Variants in CHSY1 observed in about 807,000 individuals in gnomAD.
The protein encoded by CHSY1 is N-acetylgalactosaminyl-proteoglycan 3-beta-glucuronosyltransferase 1.
CHSY1 carries 13 observed loss-of-function variants against 59.8 expected under a neutral mutation model. The observed-to-expected ratio is 0.22, with a 90% CI of 0.14 to 0.35. CHSY1 has a LOEUF of 0.35. CHSY1 is among the 10% of genes least tolerant of loss of function. The pLI, the probability that CHSY1 is intolerant of heterozygous loss-of-function variation, is 1.00. For missense variants in CHSY1, 947 were observed against 1,030.6 expected (o/e 0.92, Z 1.11); for synonymous variants, 459 against 401.2 (o/e 1.14, Z -1.72).
chr15:101,242,583 C>T (rs954584597), intron 1 of CHSY1: 25 of 152,498 alleles, frequency 1.6e-4, no homozygotes, highest in African/African-American at 6.0e-4. Flanking sequence ...AGTCCAAGTT[C>T]ATCCTCCAAG....
intron 1 of CHSY1, among the ~76,000 whole-genome samples, chr15:101,238,802 T>G (rs1240820687): frequency 6.6e-6 from 1 of 152,226 alleles, no homozygotes; most frequent in Non-Finnish European, 1.5e-5. Flanking sequence ...CAGATACTGT[T>G]CTAGGTACTG....
intron 2 of CHSY1, among the ~76,000 whole-genome samples, chr15:101,212,974 A>T (rs2038696855): frequency 6.6e-6 from 1 of 152,216 alleles, no homozygotes; most frequent in Non-Finnish European, 1.5e-5. Flanking sequence ...TCAATTTAAA[A>T]TTTTTTCATA....
At chr15:101,210,614 G>A (rs1596443605) in intron 2 of CHSY1, among the ~76,000 whole-genome samples, 1 of 152,162 alleles carries the variant, frequency 6.6e-6, no homozygotes, top group Admixed American at 6.5e-5. Flanking sequence ...TAAGAGCAGG[G>A]GTGGGCCAGA....
chr15:101,219,706 G>C (rs2038770180), intron 2 of CHSY1, among the ~76,000 whole-genome samples: 1 of 152,102 alleles, frequency 6.6e-6, no homozygotes, highest in Admixed American at 6.5e-5. Context: ...GTCATCAGCA[G>C]AGAAAAAAGT....
In CHSY1 at chr15:101,177,666, C is replaced by G. The variant is rs1249101007; in HGVS notation, c.2131G>C (p.Val711Leu). ...GDLVRVGGFD[V>L]SIQGWGLEDV... ...TCCAGCCCCCAGCCTTGGATGGAAA[C>G]ATCAAAGCCACCCACTCGGACAAGA... Residue 711 changes from valine to leucine, a missense_variant, in exon 3 of 3, where the codon GTT becomes CTT. Physicochemically the swap from Val to Leu is conservative, Grantham distance 32. Coordinates refer to ENST00000254190, the MANE Select transcript of CHSY1 (RefSeq NM_014918.5). The G allele has an allele frequency of 6.2e-7, 1 of 1,614,200 alleles. No individual in the cohort carries two copies. Among genetic ancestry groups the G allele is most frequent in the Non-Finnish European group, 8.5e-7 (1 of 1,180,038 alleles).
At chr15:101,194,128 A>T (rs776321726) in intron 2 of CHSY1, among the ~76,000 whole-genome samples, 1 of 152,366 alleles carries the variant, frequency 6.6e-6, no homozygotes, top group East Asian at 1.9e-4. Context: ...TGCCCTCTTC[A>T]TGTAGCTACG....
intron 2 of CHSY1, among the ~76,000 whole-genome samples, chr15:101,202,784 T>G (rs908289663): frequency 1.8e-4 from 28 of 152,202 alleles, no homozygotes; most frequent in Non-Finnish European, 4.4e-5. Context: ...GGAGAGGTGG[T>G]TAAGACTAAA....
At chr15:101,235,628 T>A in intron 1 of CHSY1, 51 bp from the exon 2 acceptor site, 1 of 1,578,368 alleles carries the variant, frequency 6.3e-7, no homozygotes, top group Non-Finnish European at 8.6e-7. Context: ...CAAGCTGATT[T>A]TCAGGAATTC....
intron 2 of CHSY1, among the ~76,000 whole-genome samples, chr15:101,192,060 T>A (rs115120851): frequency 6.6e-6 from 1 of 152,170 alleles, no homozygotes; most frequent in African/African-American, 2.4e-5. Context: ...AAAAGCCCTA[T>A]ACAAAAAGAA....
chr15:101,214,503 T>C (rs144473048), intron 2 of CHSY1, among the ~76,000 whole-genome samples: 1 of 152,350 alleles, frequency 6.6e-6, no homozygotes, highest in African/African-American at 2.4e-5. Flanking sequence ...ATATCCTCAA[T>C]AACTGCAACA....
intron 2 of CHSY1, among the ~76,000 whole-genome samples, chr15:101,189,037 C>T (rs376803078): frequency 6.6e-5 from 10 of 152,338 alleles, no homozygotes; most frequent in South Asian, 2.1e-4. Flanking sequence ...TGTGCACACA[C>T]GGCACTCAAT....
Position 101,251,674 on chromosome 15 carries a change from C to T in CHSY1, c.-218G>A, listed in dbSNP as rs2039116761. Reference sequence around the variant, plus strand: ...GCACGCCCGCCCCCGCCGCCGCGGCCTGCGCCTTTAAGAGGGGACCATGCC... The same window carrying T: ...GCACGCCCGCCCCCGCCGCCGCGGCTTGCGCCTTTAAGAGGGGACCATGCC... On this transcript the variant is annotated 5_prime_UTR_variant, in exon 1 of 3. Transcript: ENST00000254190. 1 of 147,208 alleles carries T rather than the reference C, an allele frequency of 6.8e-6. No individual in the cohort carries two copies. The highest frequency in any genetic ancestry group is 1.5e-5 in the Non-Finnish European group (1 of 66,186). The allele number at this position is 147,208 out of a possible 1,614,324, so 9.1% of individuals were successfully genotyped here.
intron 2 of CHSY1, among the ~76,000 whole-genome samples, chr15:101,183,899 G>C (rs1047541728): frequency 6.6e-6 from 1 of 152,182 alleles, no homozygotes; most frequent in Non-Finnish European, 1.5e-5. Context: ...CATGGTAAAC[G>C]GCATACAAGG....
In CHSY1 at chr15:101,222,229, C is replaced by G. The variant is rs867568312; in HGVS notation, c.816+12853G>C. 2.6e-5 allele frequency among the ~76,000 whole-genome samples: 4 copies of G among 152,318 alleles called. No individual in the cohort carries two copies. The Middle Eastern group carries it at 0.014, about 518-fold the overall frequency. On this transcript the variant is annotated intron_variant, in intron 2 of 2. Coordinates refer to ENST00000254190, the MANE Select transcript of CHSY1 (RefSeq NM_014918.5). ...CACTTAGAGTCACAGAGGATCTAGT[C>G]TTCTATTGCTTTGCCTAGTTTCCCC... is the stretch of plus-strand genomic sequence containing the variant.
intron 1 of CHSY1, among the ~76,000 whole-genome samples, chr15:101,249,881 G>A (rs1043338495): frequency 9.9e-5 from 15 of 152,174 alleles, no homozygotes; most frequent in African/African-American, 1.9e-4. Context: ...CCTTCCTGGC[G>A]GAATGTGGGT....
intron 1 of CHSY1, among the ~76,000 whole-genome samples, chr15:101,249,909 C>A (rs567629819): frequency 6.6e-6 from 1 of 152,188 alleles, no homozygotes; most frequent in African/African-American, 2.4e-5. Flanking sequence ...TTAAGCAGGA[C>A]CCTAATGGAA....
At chr15:101,199,055 C>A (rs888333015) in intron 2 of CHSY1, among the ~76,000 whole-genome samples, 1 of 152,216 alleles carries the variant, frequency 6.6e-6, no homozygotes. Flanking sequence ...TTCCCATCTA[C>A]CACTGAGCTG....
intron 2 of CHSY1, among the ~76,000 whole-genome samples, chr15:101,197,250 T>A (rs2038518439): frequency 6.6e-6 from 1 of 152,238 alleles, no homozygotes; most frequent in African/African-American, 2.4e-5. Flanking sequence ...GATTCTTCCC[T>A]CAAATTATTG....
chr15:101,215,610 C>T (rs1242873681), intron 2 of CHSY1, among the ~76,000 whole-genome samples: 1 of 152,218 alleles, frequency 6.6e-6, no homozygotes, highest in Admixed American at 6.5e-5. Context: ...TAGTGCATGC[C>T]TGTAGTCCCG....
Sources: allele counts gnomAD v4.1 joint callset (sites outside exome capture counted in the v4.1 genomes callset), GRCh38; gene constraint gnomAD v4.1.1; transcripts MANE v1.5; gene names NCBI Gene and HGNC (gene_info 2026-07-23, HGNC 2026-07-21).